SAMD4A: variants seen among roughly 807,000 people sequenced by gnomAD.
SAMD4A encodes the protein sterile alpha motif domain containing 4A.
Under a neutral mutation model 81.3 loss-of-function variants are expected in SAMD4A, and 33 were observed. The observed-to-expected ratio is 0.41, with a 90% CI of 0.31 to 0.54. The LOEUF (loss-of-function observed/expected upper bound fraction) is 0.54. SAMD4A is among the 20% of genes least tolerant of loss of function. The pLI is 0.37. For missense variants in SAMD4A, 854 were observed against 951.1 expected (o/e 0.90, Z 1.34); for synonymous variants, 389 against 382.1 (o/e 1.02, Z -0.21).
intron 2 of SAMD4A, among the ~76,000 whole-genome samples, chr14:54,635,196 G>T (rs561816510): frequency 6.6e-6 from 1 of 152,160 alleles, no homozygotes; most frequent in Admixed American, 6.5e-5. Flanking sequence ...GCTGAGGCGG[G>T]TGGATCACTT....
chr14:54,694,479 G>T (rs1339585021), intron 2 of SAMD4A: 7 of 238,696 alleles, frequency 2.9e-5, no homozygotes, highest in Non-Finnish European at 4.1e-5. Context: ...GATGTGGTGA[G>T]AGTGAGAGCA....
In SAMD4A at chr14:54,582,278, A is replaced by C. The variant is rs372048714; in HGVS notation, c.196+14166A>C. On this transcript the variant is annotated intron_variant, in intron 2 of 12. Transcript: ENST00000554335. ...TTTTAATTTTATTTTTTATTTTTAA[A>C]GACTTTCCTACCTTCTCATTGAGAG... Among the ~76,000 whole-genome samples the C allele has an allele frequency of 3.9e-5, 6 of 152,280 alleles. No individual in the cohort carries two copies. The East Asian group carries it at 1.2e-3, about 29-fold the overall frequency.
intron 4 of SAMD4A, 108 bp from the exon 5 acceptor site, chr14:54,748,707 T>A: frequency 1.4e-6 from 1 of 725,318 alleles, no homozygotes; most frequent in East Asian, 2.7e-5. Context: ...TTCTTTTTTT[T>A]TCCTTTGACC....
chr14:54,750,744 T>C (rs968169002), intron 5 of SAMD4A, among the ~76,000 whole-genome samples: 3 of 152,192 alleles, frequency 2.0e-5, no homozygotes, highest in African/African-American at 7.2e-5. Context: ...AATATCTATA[T>C]GGGGTTGGGA....
At chr14:54,581,456 T>C (rs1413572329) in intron 2 of SAMD4A, among the ~76,000 whole-genome samples, 4 of 152,244 alleles carry the variant, frequency 2.6e-5, no homozygotes, top group African/African-American at 9.6e-5. Context: ...ATTGGGACTT[T>C]AAGCCTTGTG....
At chr14:54,713,838 G>A in intron 3 of SAMD4A, among the ~76,000 whole-genome samples, 1 of 152,208 alleles carries the variant, frequency 6.6e-6, no homozygotes. Context: ...TCTTGATTAA[G>A]AACAACTTTG....
chr14:54,578,316 A>T (rs554127692), intron 2 of SAMD4A, among the ~76,000 whole-genome samples: 8 of 152,296 alleles, frequency 5.3e-5, no homozygotes, highest in African/African-American at 1.9e-4. Flanking sequence ...ATGAATCAGG[A>T]ATGAAGATAG....
intron 3 of SAMD4A, among the ~76,000 whole-genome samples, chr14:54,715,309 C>T (rs897707400): frequency 2.0e-5 from 3 of 152,084 alleles, no homozygotes; most frequent in South Asian, 2.1e-4. Flanking sequence ...CCCTAAGGCT[C>T]CTTCTTAGCA....
intron 3 of SAMD4A, among the ~76,000 whole-genome samples, chr14:54,711,798 A>G (rs1020144537): frequency 9.9e-5 from 15 of 151,946 alleles, no homozygotes; most frequent in African/African-American, 3.6e-4. Flanking sequence ...AGCAAAGTGG[A>G]GGACGAGTAG....
chr14:54,711,605 A>G (rs1053282996), intron 3 of SAMD4A, among the ~76,000 whole-genome samples: 2 of 152,184 alleles, frequency 1.3e-5, no homozygotes, highest in African/African-American at 4.8e-5. Context: ...GTCAAAATTA[A>G]AAGTTAAAAA....
intron 2 of SAMD4A, among the ~76,000 whole-genome samples, chr14:54,641,407 C>G (rs1268245648): frequency 2.6e-5 from 4 of 152,194 alleles, no homozygotes; most frequent in Non-Finnish European, 5.9e-5. Context: ...ATTTGAAACT[C>G]ATTTAATGTG....
chr14:54,757,182 A>C (rs1332649013), intron 6 of SAMD4A, among the ~76,000 whole-genome samples: 5 of 152,176 alleles, frequency 3.3e-5, no homozygotes, highest in African/African-American at 9.7e-5. Context: ...TTTAAGTGTC[A>C]GGAACATGAC....
chr14:54,786,845 G>A (rs1367811519), intron 12 of SAMD4A, among the ~76,000 whole-genome samples: 1 of 152,174 alleles, frequency 6.6e-6, no homozygotes, highest in Non-Finnish European at 1.5e-5. Context: ...TCTCTGAACC[G>A]ATGGGTTTTT....
chr14:54,607,679 C>T (rs1211373170), intron 2 of SAMD4A, among the ~76,000 whole-genome samples: 2 of 151,948 alleles, frequency 1.3e-5, no homozygotes. Flanking sequence ...TGGTCTCGAT[C>T]TCCTGACCTT....
chr14:54,577,505 C>G (rs1286796919), intron 2 of SAMD4A, among the ~76,000 whole-genome samples: 2 of 152,340 alleles, frequency 1.3e-5, no homozygotes, highest in East Asian at 3.9e-4. Context: ...TAAAGTGTAG[C>G]CCCTACATTG....
chr14:54,670,815 A>C (rs1017259039), intron 2 of SAMD4A, among the ~76,000 whole-genome samples: 1 of 152,220 alleles, frequency 6.6e-6, no homozygotes, highest in Non-Finnish European at 1.5e-5. Context: ...TTGACCTTCA[A>C]GACTACCTGC....
At chr14:54,631,996 C>CT (rs1399979480) in intron 2 of SAMD4A, among the ~76,000 whole-genome samples, 9 of 152,300 alleles carry the variant, frequency 5.9e-5, no homozygotes, top group Admixed American at 4.6e-4. Flanking sequence ...GTGCTAAATG[C>CT]TGGGGGTATG....
At chr14:54,706,217 G>T (rs1007339205) in intron 3 of SAMD4A, among the ~76,000 whole-genome samples, 1 of 149,212 alleles carries the variant, frequency 6.7e-6, no homozygotes, top group South Asian at 2.1e-4. Context: ...TGATGAGGTG[G>T]CTGAAGTGAG....
intron 2 of SAMD4A, among the ~76,000 whole-genome samples, chr14:54,601,980 G>T (rs2034065257): frequency 1.3e-5 from 2 of 152,188 alleles, no homozygotes; most frequent in South Asian, 4.1e-4. Flanking sequence ...AACCATGTTG[G>T]AGAGAAAATT....
Sources: gnomAD v4.1 joint callset for allele counts (sites outside exome capture counted in the v4.1 genomes callset) on GRCh38, gnomAD v4.1.1 for gene constraint, MANE v1.5 for transcripts, NCBI Gene and HGNC (gene_info 2026-07-23, HGNC 2026-07-21) for gene names.